Variants in SBF2 observed in about 807,000 individuals in gnomAD.
The protein encoded by SBF2 is SET binding factor 2.
SBF2 carries 112 observed loss-of-function variants against 225.2 expected under a neutral mutation model. That is an observed-to-expected ratio of 0.50 (90% CI 0.43 to 0.58). SBF2 has a LOEUF of 0.58. SBF2 is among the 20% of genes least tolerant of loss of function. The pLI is 0.00. For synonymous variants in SBF2, 763 were observed against 773.3 expected (o/e 0.99, Z 0.22); for missense variants, 1,996 against 2,206.2 (o/e 0.90, Z 1.91).
chr11:9,927,598 GA>G (rs1864155911), intron 16 of SBF2, among the ~76,000 whole-genome samples: 1 of 152,070 alleles, frequency 6.6e-6, no homozygotes, highest in South Asian at 2.1e-4. Flanking sequence ...AATACATCAT[GA>G]TCAACTAGAA....
At chr11:10,266,542 C>A (rs1489610820) in intron 1 of SBF2, among the ~76,000 whole-genome samples, 2 of 152,052 alleles carry the variant, frequency 1.3e-5, no homozygotes, top group African/African-American at 2.4e-5. Flanking sequence ...AGATTAAATA[C>A]AAAGTGACAT....
chr11:9,789,426 G>C, intron 34 of SBF2, 84 bp from the exon 35 acceptor site: 1 of 885,020 alleles, frequency 1.1e-6, no homozygotes, highest in South Asian at 1.4e-5. Flanking sequence ...AACATTTATA[G>C]AGTCCAGGGG....
chr11:10,257,037 C>G (rs920727299), intron 1 of SBF2, among the ~76,000 whole-genome samples: 2 of 151,982 alleles, frequency 1.3e-5, no homozygotes, highest in Non-Finnish European at 2.9e-5. Flanking sequence ...AATTATTCAC[C>G]ACGTCAGGCA....
intron 2 of SBF2, among the ~76,000 whole-genome samples, chr11:10,152,272 C>T (rs1381739227): frequency 2.6e-5 from 4 of 152,076 alleles, no homozygotes; most frequent in East Asian, 1.9e-4. Flanking sequence ...CCATATAGGC[C>T]GGGAGCGGTG....
intron 16 of SBF2, among the ~76,000 whole-genome samples, chr11:9,911,224 C>T (rs947415370): frequency 3.3e-5 from 5 of 150,076 alleles, no homozygotes; most frequent in African/African-American, 9.8e-5. Flanking sequence ...AAAAATTAGT[C>T]GGGTGTGGTG....
At chr11:10,042,237 C>T (rs1015954769) in intron 3 of SBF2, among the ~76,000 whole-genome samples, 1 of 152,128 alleles carries the variant, frequency 6.6e-6, no homozygotes, top group African/African-American at 2.4e-5. Flanking sequence ...CCCTGCTTGT[C>T]CCTCACCCCT....
intron 1 of SBF2, among the ~76,000 whole-genome samples, chr11:10,242,012 C>A (rs892077525): frequency 6.6e-6 from 1 of 150,984 alleles, no homozygotes; most frequent in Non-Finnish European, 1.5e-5. Flanking sequence ...GCCCACAGAC[C>A]CTAGGACCTA....
At chr11:10,040,319 A>T (rs1010290339) in intron 3 of SBF2, among the ~76,000 whole-genome samples, 4 of 152,022 alleles carry the variant, frequency 2.6e-5, no homozygotes, top group African/African-American at 9.7e-5. Flanking sequence ...TCTTAGAAGG[A>T]TGCCCTTAGA....
intron 2 of SBF2, among the ~76,000 whole-genome samples, chr11:10,110,087 G>A (rs571115163): frequency 8.5e-5 from 13 of 152,158 alleles, no homozygotes; most frequent in South Asian, 6.2e-4. Flanking sequence ...GGATTTATTC[G>A]TCCAGATGTA....
chr11:10,189,790 G>A (rs1270177300), intron 2 of SBF2, among the ~76,000 whole-genome samples: 1 of 152,184 alleles, frequency 6.6e-6, no homozygotes, highest in East Asian at 1.9e-4. Flanking sequence ...ATGCCCTACT[G>A]AGATTGTGGC....
intron 2 of SBF2, among the ~76,000 whole-genome samples, chr11:10,110,187 G>C (rs1018550431): frequency 2.0e-5 from 3 of 152,112 alleles, no homozygotes; most frequent in Non-Finnish European, 4.4e-5. Flanking sequence ...AGCAAAAAAG[G>C]AAATCCTACA....
chr11:10,223,402 TATATATATATATATA>T lies in SBF2; in HGVS notation c.56-29430_56-29416del, dbSNP rs1565371230. On this transcript the variant is annotated intron_variant, in intron 1 of 39. Transcript: ENST00000256190. ...TAAACAACACATATTTTGCACATTA[TATATATATATATATA>T]TATATATATATATATATATATATAT... Among the ~76,000 whole-genome samples, 358 of 58,390 alleles carry T rather than the reference TATATATATATATATA, an allele frequency of 6.1e-3. 7 individuals carry two copies. Among genetic ancestry groups the T allele is most frequent in the Middle Eastern group, 0.032 (4 of 126 alleles). The allele number at this position is 58,390 out of a possible 152,430, so 38.3% of individuals were successfully genotyped here. A position where few individuals can be genotyped will look rare whatever the true frequency, so the allele number is the denominator to read the frequency against.
chr11:10,132,215 C>A (rs77754940), intron 2 of SBF2, among the ~76,000 whole-genome samples: 131 of 152,198 alleles, frequency 8.6e-4, no homozygotes, highest in African/African-American at 2.9e-3. Context: ...TTCCACTGAC[C>A]TAGTGGTCAA....
intron 1 of SBF2, among the ~76,000 whole-genome samples, chr11:10,274,800 T>C (rs1431856881): frequency 6.7e-6 from 1 of 150,292 alleles, no homozygotes; most frequent in African/African-American, 2.4e-5. Flanking sequence ...TTCAAGTACC[T>C]AGAAACAAAT....
chr11:9,835,594 T>G (rs1855681003), intron 26 of SBF2, among the ~76,000 whole-genome samples: 1 of 124,734 alleles, frequency 8.0e-6, no homozygotes, highest in African/African-American at 3.1e-5. Flanking sequence ...ATCACATCAC[T>G]GCACTCCAGC....
intron 16 of SBF2, among the ~76,000 whole-genome samples, chr11:9,948,328 G>A (rs1221930464): frequency 6.6e-6 from 1 of 151,950 alleles, no homozygotes; most frequent in Non-Finnish European, 1.5e-5. Context: ...AAAAAGTTAT[G>A]GAGATGTATG....
chr11:10,071,920 G>A (rs898701243), intron 2 of SBF2, among the ~76,000 whole-genome samples: 14 of 152,058 alleles, frequency 9.2e-5, no homozygotes, highest in Admixed American at 4.6e-4. Context: ...GAGGATTTTC[G>A]CATCAATACA....
At chr11:9,952,298 T>C (rs1322502283) in intron 16 of SBF2, among the ~76,000 whole-genome samples, 2 of 152,088 alleles carry the variant, frequency 1.3e-5, no homozygotes, top group Non-Finnish European at 2.9e-5. Flanking sequence ...TCTTCTGCCA[T>C]GGTAAAGGAG....
chr11:9,807,332 T>G (rs982119999), intron 32 of SBF2, among the ~76,000 whole-genome samples: 10 of 152,202 alleles, frequency 6.6e-5, no homozygotes, highest in African/African-American at 2.4e-4. Flanking sequence ...ACATCTCCCC[T>G]ACCCTCACTG....
Sources: gnomAD v4.1 joint callset for allele counts (sites outside exome capture counted in the v4.1 genomes callset) on GRCh38, gnomAD v4.1.1 for gene constraint, MANE v1.5 for transcripts, NCBI Gene and HGNC (gene_info 2026-07-23, HGNC 2026-07-21) for gene names.